The following PKD1L3 variants were observed in gnomAD, a reference collection of about 807,000 sequenced individuals.
PKD1L3 encodes polycystin 1 like 3, transient receptor potential channel interacting, also known as polycystin-1-like protein 3.
Under a neutral mutation model 184.1 loss-of-function variants are expected in PKD1L3, and 239 were observed. The ratio of observed to expected loss-of-function variants is 1.30; its 90% CI spans 1.17 to 1.45. The LOEUF is 1.45. PKD1L3 is among the 40% of genes most tolerant of loss of function. The pLI is 0.00. For synonymous variants in PKD1L3, 996 were observed against 778.8 expected (o/e 1.28, Z -4.64); for missense variants, 2,660 against 2,067.2 (o/e 1.29, Z -5.56).
chr16:71,965,600 T>A (rs916853582), intron 15 of PKD1L3, among the ~76,000 whole-genome samples: 1 of 151,480 alleles, frequency 6.6e-6, no homozygotes, highest in Non-Finnish European at 1.5e-5. Flanking sequence ...TGTTGCCAAG[T>A]TGGACTGCGG....
chr16:71,980,682 A>C (rs1226313739), intron 7 of PKD1L3, among the ~76,000 whole-genome samples: 1 of 152,140 alleles, frequency 6.6e-6, no homozygotes, highest in Admixed American at 6.6e-5. Flanking sequence ...AAAAGTACCA[A>C]AAATTAGGCA....
intron 16 of PKD1L3, among the ~76,000 whole-genome samples, chr16:71,955,452 G>A (rs577565147): frequency 6.6e-6 from 1 of 151,278 alleles, no homozygotes; most frequent in South Asian, 2.2e-4. Context: ...AACAAAAAAA[G>A]GGGTGTATAT....
In PKD1L3 at chr16:71,973,425, C is replaced by G. The variant is rs768788838; in HGVS notation, c.1852G>C (p.Gly618Arg). 2.3e-5 allele frequency: 36 copies of G among 1,551,544 alleles called. No homozygotes were observed. Among genetic ancestry groups the G allele is most frequent in the Middle Eastern group, 1.7e-4 (1 of 6,012 alleles). ...ACCAAGCTGGGTGTCTGCTGAGCACCCTCCTGCCTCTCACTCAGCACAGCT... is the reference window on the plus strand; with the variant it reads ...ACCAAGCTGGGTGTCTGCTGAGCACGCTCCTGCCTCTCACTCAGCACAGCT... ...ITAVLSERQEGAQQTPSLVSV... is the reference protein window; with the variant it reads ...ITAVLSERQERAQQTPSLVSV... The change falls in exon 12 of 30, where the codon GGT (glycine) becomes CGT (arginine). Residue 618 changes from glycine to arginine, a missense_variant. Physicochemically the swap from Gly to Arg is moderately radical, Grantham distance 125. Transcript: ENST00000620267.
intron 5 of PKD1L3, among the ~76,000 whole-genome samples, chr16:71,985,360 T>C (rs183550458): frequency 2.0e-5 from 3 of 152,202 alleles, no homozygotes; most frequent in African/African-American, 7.2e-5. Flanking sequence ...CGTTTGAGTT[T>C]AGGGAAAAAA....
At chr16:71,981,999 G>A (rs2040177616) in intron 7 of PKD1L3, 60 bp downstream of exon 7, 5 of 1,413,548 alleles carry the variant, frequency 3.5e-6, no homozygotes, top group Non-Finnish European at 4.7e-6. Flanking sequence ...GTGATACCTG[G>A]ACCTGTCAAG....
chr16:71,950,270 A>G lies in PKD1L3; in HGVS notation c.3231T>C (p.His1077=). 1.9e-6 allele frequency: 3 copies of G among 1,547,936 alleles called. No homozygotes were observed. Among genetic ancestry groups the G allele is most frequent in the East Asian group, 2.4e-5 (1 of 40,822 alleles). The stretch of plus-strand genomic sequence containing the variant: ...GAGATTTCAGCCTCTGCAGAACTCT[A>G]TGCAGGTAACAGCAGAAATGATGGT... ...ENHHHFCCYL[H]RVLQRLKSHL... Residue 1077 remains histidine (H), a synonymous_variant, in exon 20 of 30, where the codon CAT becomes CAC. Coordinates refer to ENST00000620267, the MANE Select transcript of PKD1L3 (RefSeq NM_181536.2).
intron 6 of PKD1L3, among the ~76,000 whole-genome samples, chr16:71,983,306 C>A (rs1477117857): frequency 6.6e-6 from 1 of 151,990 alleles, no homozygotes; most frequent in Non-Finnish European, 1.5e-5. Context: ...ACCACCACAC[C>A]CAGTTAAGTT....
chr16:71,993,820 G>A lies in PKD1L3; in HGVS notation c.419-488C>T, dbSNP rs145512746. Among the ~76,000 whole-genome samples, 1,095 of 152,278 alleles carry A rather than the reference G, an allele frequency of 7.2e-3. 16 individuals carry two copies. The highest frequency in any genetic ancestry group is 0.024 in the African/African-American group (1,013 of 41,536). ...AGACAATTTTTGCTCTGTTGCCCAG[G>A]CTGGAATGCAATGGCACGATCTGGG... On this transcript the variant is annotated intron_variant, in intron 2 of 29. Transcript: ENST00000620267.
intron 21 of PKD1L3, 51 bp from the exon 22 acceptor site, chr16:71,947,642 AGAT>A: frequency 8.1e-7 from 1 of 1,238,200 alleles, no homozygotes; most frequent in Non-Finnish European, 1.1e-6. Context: ...AGACCCAGGA[AGAT>A]AATACCGTAT....
At chr16:71,954,417 C>T in intron 16 of PKD1L3, 116 bp from the exon 17 acceptor site, 3 of 667,194 alleles carry the variant, frequency 4.5e-6, no homozygotes, top group Non-Finnish European at 7.3e-6. Flanking sequence ...CTCTATTCAA[C>T]ACCTCTGTGA....
Position 71,974,966 on chromosome 16 carries a change from CTTA to C in PKD1L3, c.1760-1452_1760-1450del, listed in dbSNP as rs1355720908. Among the ~76,000 whole-genome samples, 13 of 152,238 alleles carry C rather than the reference CTTA, an allele frequency of 8.5e-5. No individual in the cohort carries two copies. In the East Asian group the frequency reaches 2.1e-3, roughly 25 times the overall value. On this transcript the variant is annotated intron_variant, in intron 11 of 29. Coordinates refer to ENST00000620267, the MANE Select transcript of PKD1L3 (RefSeq NM_181536.2). ...TAAAAATAAATACAGAAGTGTAGCT[CTTA>C]TTAAGACTTTTCAGTACTATATTTA...
intron 16 of PKD1L3, among the ~76,000 whole-genome samples, chr16:71,962,285 G>A (rs879090747): frequency 2.0e-5 from 3 of 152,100 alleles, no homozygotes; most frequent in Non-Finnish European, 2.9e-5. Flanking sequence ...GCCGAGAGCC[G>A]TAATATTGAA....
At position 71,950,328 on chromosome 16, in the gene PKD1L3, G is replaced by A. The variant is rs1468341333; in HGVS notation, c.3191-18C>T. On this transcript the variant is annotated intron_variant, in intron 19 of 29. Transcript: ENST00000620267. ...AGGAACAACTGAAAATATATTTCAA[G>A]TTGACACTTTCACAAGTGGATTTCA... is the stretch of plus-strand genomic sequence containing the variant. 1 of 1,503,606 alleles carries A rather than the reference G, an allele frequency of 6.7e-7. No individual in the cohort carries two copies. The highest frequency in any genetic ancestry group is 2.5e-5 in the East Asian group (1 of 40,234). The allele number at this position is 1,503,606 out of a possible 1,614,324, so 93.1% of individuals were successfully genotyped here. A position where few individuals can be genotyped will look rare whatever the true frequency, so the allele number is the denominator to read the frequency against.
chr16:71,978,083 A>G (rs1479617388), intron 10 of PKD1L3, among the ~76,000 whole-genome samples, 172 bp downstream of exon 10: 1 of 152,174 alleles, frequency 6.6e-6, no homozygotes, highest in Non-Finnish European at 1.5e-5. Flanking sequence ...CCTTTAAAAC[A>G]CTTTTTCTAA....
chr16:71,932,092 A>T (rs747672062), intron 28 of PKD1L3, among the ~76,000 whole-genome samples: 1 of 152,158 alleles, frequency 6.6e-6, no homozygotes, highest in Admixed American at 6.5e-5. Flanking sequence ...TTACCTTTCA[A>T]ATATTTTCAT....
intron 9 of PKD1L3, among the ~76,000 whole-genome samples, 159 bp from the exon 10 acceptor site, chr16:71,978,542 C>CTTTTT (rs11329882): frequency 1.7e-5 from 1 of 57,814 alleles, no homozygotes; most frequent in Non-Finnish European, 3.3e-5. Context: ...TACATACATA[C>CTTTTT]TTTTTTTTTT....
intron 2 of PKD1L3, among the ~76,000 whole-genome samples, chr16:71,994,040 G>A (rs1567556406): frequency 2.6e-5 from 4 of 152,172 alleles, no homozygotes; most frequent in African/African-American, 9.7e-5. Flanking sequence ...AAAGTGCTAG[G>A]ATTACAGGTG....
chr16:71,996,397 A>G (rs1005951383), intron 2 of PKD1L3, among the ~76,000 whole-genome samples: 3 of 151,648 alleles, frequency 2.0e-5, no homozygotes, highest in Non-Finnish European at 4.4e-5. Context: ...AGTACCTGGG[A>G]CTACAGGTGC....
chr16:71,946,970 G>A (rs1279544638), intron 22 of PKD1L3, among the ~76,000 whole-genome samples: 1 of 150,492 alleles, frequency 6.6e-6, no homozygotes. Flanking sequence ...CTAAAATGTA[G>A]GGGAGTCCGG....
Sources: gnomAD v4.1 joint callset for allele counts (sites outside exome capture counted in the v4.1 genomes callset) on GRCh38, gnomAD v4.1.1 for gene constraint, MANE v1.5 for transcripts, NCBI Gene and HGNC (gene_info 2026-07-23, HGNC 2026-07-21) for gene names.